ATXN7: variants seen among roughly 807,000 people sequenced by gnomAD.
ATXN7 encodes ataxin-7.
Under a neutral mutation model 70.5 loss-of-function variants are expected in ATXN7, and 12 were observed. The ratio of observed to expected loss-of-function variants is 0.17; its 90% CI spans 0.11 to 0.28. ATXN7 has a LOEUF of 0.28. Ranked by LOEUF, ATXN7 falls within the 10% of genes least tolerant of loss-of-function variation. ATXN7 has a pLI of 1.00. For synonymous variants in ATXN7, 498 were observed against 448.7 expected (o/e 1.11, Z -1.39); for missense variants, 1,256 against 1,131.7 (o/e 1.11, Z -1.58).
At chr3:63,873,101 C>G (rs943826075) in intron 1 of ATXN7, among the ~76,000 whole-genome samples, 3 of 152,108 alleles carry the variant, frequency 2.0e-5, no homozygotes, top group African/African-American at 4.8e-5. Context: ...GTATTCTACT[C>G]TATAATATAT....
At chr3:63,968,951 A>G (rs2075269739) in intron 5 of ATXN7, among the ~76,000 whole-genome samples, 2 of 152,202 alleles carry the variant, frequency 1.3e-5, no homozygotes, top group Non-Finnish European at 2.9e-5. Flanking sequence ...TAAACCTTTA[A>G]TCAAATTGCT....
intron 1 of ATXN7, among the ~76,000 whole-genome samples, chr3:63,872,177 C>T (rs1255626760): frequency 6.6e-6 from 1 of 151,980 alleles, no homozygotes; most frequent in Non-Finnish European, 1.5e-5. Context: ...GGACTTTGGG[C>T]CTTAGAGTTT....
intron 4 of ATXN7, among the ~76,000 whole-genome samples, chr3:63,944,957 A>C (rs1455550204): frequency 6.6e-6 from 1 of 152,022 alleles, no homozygotes; most frequent in Non-Finnish European, 1.5e-5. Flanking sequence ...ACACCCAACT[A>C]ATTTTTGTAA....
chr3:63,909,641 TG>T (rs1703947065), intron 2 of ATXN7, among the ~76,000 whole-genome samples: 2 of 152,230 alleles, frequency 1.3e-5, no homozygotes, highest in Admixed American at 6.5e-5. Context: ...GTCAGCTTGC[TG>T]TTTTGACTTT....
intron 4 of ATXN7, among the ~76,000 whole-genome samples, chr3:63,917,117 A>G (rs1704305475): frequency 2.0e-5 from 3 of 151,992 alleles, no homozygotes; most frequent in Admixed American, 6.6e-5. Flanking sequence ...ACGGGGTTTC[A>G]CCATGTTGGC....
chr3:63,994,469 A>G (rs905424238), intron 11 of ATXN7, among the ~76,000 whole-genome samples: 1 of 152,172 alleles, frequency 6.6e-6, no homozygotes, highest in Non-Finnish European at 1.5e-5. Context: ...TCCTGACCTC[A>G]AGTGATCCAC....
At chr3:63,987,923 T>G in intron 8 of ATXN7, 136 bp from the exon 9 acceptor site, 5 of 1,079,276 alleles carry the variant, frequency 4.6e-6, no homozygotes, top group Non-Finnish European at 6.6e-6. Context: ...GGTTTTTAGC[T>G]TATCAAATGC....
intron 4 of ATXN7, among the ~76,000 whole-genome samples, chr3:63,931,173 A>G (rs1456979126): frequency 6.6e-6 from 1 of 151,898 alleles, no homozygotes; most frequent in Admixed American, 6.6e-5. Context: ...TCCTGGGCTC[A>G]AGCATTCCTC....
intron 2 of ATXN7, among the ~76,000 whole-genome samples, chr3:63,910,057 C>T (rs1016138223): frequency 2.6e-5 from 4 of 151,978 alleles, no homozygotes; most frequent in Non-Finnish European, 4.4e-5. Context: ...ATTTTAAGCC[C>T]GCTTGTGTTT....
rs561421619 is a variant in ATXN7 at position 63,916,922 on chromosome 3, T to G, written c.394+3697T>G. On this transcript the variant is annotated intron_variant, in intron 4 of 12. Coordinates refer to ENST00000674280, the MANE Select transcript of ATXN7 (RefSeq NM_001377405.1). ...TTTGACTTTTTGTTGTTGTTGTTGT[T>G]ATTGTTGTTGAGATGGAGTCTCGCT... Among the ~76,000 whole-genome samples, 5 of 152,282 alleles carry G rather than the reference T, an allele frequency of 3.3e-5. No homozygotes were observed. In the South Asian group the frequency reaches 1.0e-3, roughly 32 times the overall value.
At chr3:63,967,797 A>G (rs1403078965) in intron 5 of ATXN7, 7 of 1,498,098 alleles carry the variant, frequency 4.7e-6, no homozygotes, top group Non-Finnish European at 6.2e-6. Flanking sequence ...TTACAGTAGT[A>G]GCAAATGTTA....
chr3:63,872,477 A>C (rs953994535), intron 1 of ATXN7, among the ~76,000 whole-genome samples: 25 of 152,202 alleles, frequency 1.6e-4, no homozygotes, highest in African/African-American at 4.6e-4. Context: ...CTAGCAGCCT[A>C]GATCAAATTT....
intron 4 of ATXN7, among the ~76,000 whole-genome samples, chr3:63,947,932 A>T (rs185989298): frequency 6.6e-6 from 1 of 152,222 alleles, no homozygotes; most frequent in South Asian, 2.1e-4. Flanking sequence ...GGAACAGAGG[A>T]TGAGAGGGAA....
intron 1 of ATXN7, among the ~76,000 whole-genome samples, chr3:63,865,824 G>A (rs1296196407): frequency 3.4e-5 from 5 of 146,930 alleles, no homozygotes; most frequent in Non-Finnish European, 7.5e-5. Context: ...GAACCCGGGA[G>A]GCGGAGCTTG....
At chr3:63,868,416 G>T (rs957377397) in intron 1 of ATXN7, among the ~76,000 whole-genome samples, 1 of 152,112 alleles carries the variant, frequency 6.6e-6, no homozygotes, top group East Asian at 1.9e-4. Context: ...TCTTTGGCCC[G>T]CAAGAAGGAC....
intron 5 of ATXN7, among the ~76,000 whole-genome samples, chr3:63,960,772 ATGTAT>A (rs1362497968): frequency 6.6e-6 from 1 of 151,874 alleles, no homozygotes; most frequent in Non-Finnish European, 1.5e-5. Flanking sequence ...AAAAGTGTTG[ATGTAT>A]TATATTAAGT....
At chr3:63,962,193 A>G (rs2075143366) in intron 5 of ATXN7, among the ~76,000 whole-genome samples, 1 of 152,200 alleles carries the variant, frequency 6.6e-6, no homozygotes, top group South Asian at 2.1e-4. Flanking sequence ...GGTTTACTTC[A>G]AAGTAATTTT....
At chr3:63,953,082 G>A (rs2074983046) in intron 5 of ATXN7, among the ~76,000 whole-genome samples, 1 of 151,980 alleles carries the variant, frequency 6.6e-6, no homozygotes, top group African/African-American at 2.4e-5. Context: ...TATGTAGTAT[G>A]ATTCTTACCG....
intron 12 of ATXN7, chr3:63,998,530 A>G (rs1377742098): frequency 2.0e-6 from 2 of 985,298 alleles, no homozygotes; most frequent in Non-Finnish European, 2.4e-6. Flanking sequence ...CAGACAGCCT[A>G]ACTTTGGGCT....
Sources: allele counts gnomAD v4.1 joint callset (sites outside exome capture counted in the v4.1 genomes callset), GRCh38; gene constraint gnomAD v4.1.1; transcripts MANE v1.5; gene names NCBI Gene and HGNC (gene_info 2026-07-23, HGNC 2026-07-21).